Variants in PLXNC1 observed in about 807,000 individuals in gnomAD.
PLXNC1 encodes plexin-C1.
In PLXNC1, 75 loss-of-function variants were observed where a neutral mutation model predicts 178.2. The ratio of observed to expected loss-of-function variants is 0.42; its 90% CI spans 0.35 to 0.51. The LOEUF is 0.51. Ranked by LOEUF, PLXNC1 falls within the 20% of genes least tolerant of loss-of-function variation. PLXNC1 has a pLI of 0.02. For synonymous variants in PLXNC1, 790 were observed against 779.9 expected, an observed-to-expected ratio of 1.01 and a Z score of -0.22; for missense variants, 1,503 against 1,984.4, an observed-to-expected ratio of 0.76 and a Z score of 4.61.
intron 23 of PLXNC1, among the ~76,000 whole-genome samples, chr12:94,287,559 C>T (rs1197715813): frequency 6.6e-6 from 1 of 151,482 alleles, no homozygotes; most frequent in African/African-American, 2.5e-5. Flanking sequence ...AAAGATTACA[C>T]TTCGAGTTCT....
chr12:94,232,966 T>G (rs1310272568), intron 9 of PLXNC1, among the ~76,000 whole-genome samples: 1 of 152,164 alleles, frequency 6.6e-6, no homozygotes, highest in Non-Finnish European at 1.5e-5. Flanking sequence ...ATATAAACAT[T>G]GGTTAAACCA....
intron 9 of PLXNC1, among the ~76,000 whole-genome samples, chr12:94,228,099 A>G (rs1388537954): frequency 2.6e-5 from 4 of 152,252 alleles, no homozygotes; most frequent in Non-Finnish European, 5.9e-5. Flanking sequence ...AAAGGTAAAT[A>G]AGTAGCATAT....
intron 4 of PLXNC1, among the ~76,000 whole-genome samples, chr12:94,187,190 G>GAC (rs775035304): frequency 1.2e-5 from 1 of 85,052 alleles, no homozygotes; most frequent in Non-Finnish European, 3.1e-5. Context: ...GAGAGAGAGA[G>GAC]AGAAAAAAAA....
chr12:94,234,262 T>C (rs560567689), intron 9 of PLXNC1, among the ~76,000 whole-genome samples: 6 of 152,322 alleles, frequency 3.9e-5, no homozygotes, highest in Admixed American at 3.9e-4. Flanking sequence ...CATGGTAATT[T>C]GAATTGTGTT....
intron 22 of PLXNC1, among the ~76,000 whole-genome samples, chr12:94,281,598 A>AT (rs1555208389): frequency 1.1e-5 from 1 of 89,312 alleles, no homozygotes; most frequent in Non-Finnish European, 2.2e-5. Context: ...TTTAAAAAAA[A>AT]TTTTATAGAG....
intron 6 of PLXNC1, 44 bp from the exon 7 acceptor site, chr12:94,224,184 A>G (rs753649260): frequency 1.8e-6 from 2 of 1,103,360 alleles, no homozygotes; most frequent in Non-Finnish European, 1.4e-6. Context: ...GCTTGACTAT[A>G]GCAGGACTCC....
At chr12:94,200,441 G>A (rs1254945426) in intron 4 of PLXNC1, among the ~76,000 whole-genome samples, 2 of 151,962 alleles carry the variant, frequency 1.3e-5, no homozygotes, top group Non-Finnish European at 2.9e-5. Flanking sequence ...TTTGTTTTTT[G>A]CTTTTTAAAC....
At chr12:94,227,518 G>A in intron 9 of PLXNC1, 1 of 273,950 alleles carries the variant, frequency 3.7e-6, no homozygotes, top group Non-Finnish European at 7.1e-6. Context: ...CTGGTGAAGA[G>A]CTGGAAGGAA....
intron 21 of PLXNC1, among the ~76,000 whole-genome samples, chr12:94,271,246 T>C (rs1255092959): frequency 2.0e-5 from 3 of 152,228 alleles, no homozygotes; most frequent in African/African-American, 7.2e-5. Context: ...ATAAATTATC[T>C]TACAGTTACT....
intron 9 of PLXNC1, among the ~76,000 whole-genome samples, chr12:94,232,466 A>G (rs1435119100): frequency 6.6e-6 from 1 of 152,178 alleles, no homozygotes; most frequent in African/African-American, 2.4e-5. Flanking sequence ...CTTGCCTTCA[A>G]GAGTGAAATT....
intron 20 of PLXNC1, among the ~76,000 whole-genome samples, chr12:94,263,369 G>A (rs1447233677): frequency 2.6e-5 from 4 of 152,340 alleles, no homozygotes; most frequent in South Asian, 4.1e-4. Flanking sequence ...CCAGGAGCAT[G>A]GGCAGAGTGT....
At chr12:94,262,579 G>A (rs756866264) in intron 20 of PLXNC1, 18 of 985,356 alleles carry the variant, frequency 1.8e-5, no homozygotes, top group Non-Finnish European at 1.9e-5. Flanking sequence ...GGCTCGGCTC[G>A]CCAGGAGGAA....
intron 2 of PLXNC1, among the ~76,000 whole-genome samples, chr12:94,172,712 T>C (rs1415435745): frequency 1.3e-5 from 2 of 152,204 alleles, no homozygotes; most frequent in Non-Finnish European, 2.9e-5. Flanking sequence ...TATTTTTAAA[T>C]AACTATATCA....
At chr12:94,254,338 A>G (rs1296655936) in intron 15 of PLXNC1, 4 of 364,908 alleles carry the variant, frequency 1.1e-5, no homozygotes, top group African/African-American at 2.1e-5. Flanking sequence ...CCATGTAGCC[A>G]ACTGTGGATC....
At chr12:94,185,634 CCT>C (rs543537238) in intron 3 of PLXNC1, among the ~76,000 whole-genome samples, 93 of 152,298 alleles carry the variant, frequency 6.1e-4, no homozygotes, top group Non-Finnish European at 1.1e-3. Context: ...GACTACTCCC[CCT>C]GTTTCTTTTA....
At chr12:94,299,492 T>G (rs992931139) in intron 27 of PLXNC1, among the ~76,000 whole-genome samples, 1 of 152,198 alleles carries the variant, frequency 6.6e-6, no homozygotes, top group Admixed American at 6.5e-5. Flanking sequence ...CCTCTAGGTC[T>G]AATCTCCCAT....
Position 94,238,465 on chromosome 12 carries a change from G to A in PLXNC1, c.2120+662G>A, listed in dbSNP as rs141636092. On this transcript the variant is annotated intron_variant, in intron 10 of 30. Transcript: ENST00000258526. ...CTTTTCAATTTCTACCGATGTCCTTGTGCAAATGGTTACTCCCCCTTCGAA... is the reference window on the plus strand; with the variant it reads ...CTTTTCAATTTCTACCGATGTCCTTATGCAAATGGTTACTCCCCCTTCGAA... Among the ~76,000 whole-genome samples the A allele has an allele frequency of 7.6e-4, 112 of 146,714 alleles. 1 individual carries two copies. Among genetic ancestry groups the A allele is most frequent in the African/African-American group, 2.8e-3 (108 of 38,124 alleles).
chr12:94,221,438 A>G (rs919678952), intron 6 of PLXNC1, among the ~76,000 whole-genome samples: 1 of 152,148 alleles, frequency 6.6e-6, no homozygotes, highest in Non-Finnish European at 1.5e-5. Flanking sequence ...AGTGGATTCA[A>G]TAGATGGTCA....
intron 11 of PLXNC1, among the ~76,000 whole-genome samples, chr12:94,243,149 A>G (rs1429392451): frequency 6.6e-6 from 1 of 152,222 alleles, no homozygotes; most frequent in Admixed American, 6.5e-5. Context: ...TTCAGAGATC[A>G]GTGTCTTCTC....
Sources: gnomAD v4.1 joint callset for allele counts (sites outside exome capture counted in the v4.1 genomes callset) on GRCh38, gnomAD v4.1.1 for gene constraint, MANE v1.5 for transcripts, NCBI Gene and HGNC (gene_info 2026-07-23, HGNC 2026-07-21) for gene names.